The following VWC2 variants were observed in gnomAD, a reference collection of about 807,000 sequenced individuals.
The protein encoded by VWC2 is von Willebrand factor C domain containing 2, also known as brorin.
Under a neutral mutation model 29.8 loss-of-function variants are expected in VWC2, and 14 were observed. That is an observed-to-expected ratio of 0.47 (90% CI 0.31 to 0.74). The LOEUF is 0.74. VWC2 is among the 30% of genes least tolerant of loss of function. VWC2 has a pLI of 0.05. For synonymous variants in VWC2, 213 were observed against 199.0 expected, an observed-to-expected ratio of 1.07 and a Z score of -0.59; for missense variants, 457 against 459.8, an observed-to-expected ratio of 0.99 and a Z score of 0.05.
chr7:49,915,616 C>T lies in VWC2; in HGVS notation c.*3431C>T, dbSNP rs896522158. ...TTATCTGAAACTTACAAAATATACA[C>T]TGTTTCAAACAAGCATTGTTGGAAA... On this transcript the variant is annotated 3_prime_UTR_variant, in exon 4 of 4. Transcript: ENST00000340652. 3 of 152,126 alleles carry T rather than the reference C, an allele frequency of 2.0e-5. No homozygotes were observed. Among genetic ancestry groups the T allele is most frequent in the Non-Finnish European group, 4.4e-5 (3 of 68,008 alleles). The allele number at this position is 152,126 out of a possible 1,614,324, so 9.4% of individuals were successfully genotyped here.
chr7:49,889,471 A>T (rs868022295), intron 3 of VWC2, among the ~76,000 whole-genome samples: 92 of 152,354 alleles, frequency 6.0e-4, no homozygotes, highest in African/African-American at 2.0e-3. Context: ...GAGGCAGAAG[A>T]TGATGACAAA....
intron 3 of VWC2, among the ~76,000 whole-genome samples, chr7:49,895,281 T>A (rs1359286451): frequency 1.3e-5 from 2 of 152,176 alleles, no homozygotes; most frequent in African/African-American, 2.4e-5. Flanking sequence ...TCATGAGGGC[T>A]CTGCCCTCAT....
intron 3 of VWC2, among the ~76,000 whole-genome samples, chr7:49,911,088 A>C (rs936806547): frequency 3.3e-5 from 5 of 152,184 alleles, no homozygotes; most frequent in African/African-American, 1.2e-4. Flanking sequence ...GGTCTTAGTT[A>C]TGCTTTTTCT....
At chr7:49,819,866 C>A (rs1306645198) in intron 3 of VWC2, among the ~76,000 whole-genome samples, 1 of 152,100 alleles carries the variant, frequency 6.6e-6, no homozygotes, top group African/African-American at 2.4e-5. Flanking sequence ...TAGAGGGGGA[C>A]AAGTAGGGTA....
chr7:49,811,171 A>G (rs1311562438), intron 3 of VWC2, among the ~76,000 whole-genome samples: 5 of 152,220 alleles, frequency 3.3e-5, no homozygotes, highest in Non-Finnish European at 1.5e-5. Context: ...TGAAAAGAAG[A>G]CAACCTATTT....
chr7:49,875,543 C>A (rs1023556182), intron 3 of VWC2, among the ~76,000 whole-genome samples: 3 of 151,804 alleles, frequency 2.0e-5, no homozygotes, highest in Admixed American at 6.6e-5. Flanking sequence ...GGCTGGAGTC[C>A]TTTTGCATGA....
intron 2 of VWC2, among the ~76,000 whole-genome samples, chr7:49,779,704 G>T (rs1788132613): frequency 6.6e-6 from 1 of 152,058 alleles, no homozygotes; most frequent in Non-Finnish European, 1.5e-5. Flanking sequence ...ACAGAAATTT[G>T]TTGTCTTGGA....
At chr7:49,870,865 CAACAAAACATATTAAT>C (rs1394149696) in intron 3 of VWC2, among the ~76,000 whole-genome samples, 1 of 152,172 alleles carries the variant, frequency 6.6e-6, no homozygotes, top group Non-Finnish European at 1.5e-5. Context: ...AAGAAACCAT[CAACAAAACATATTAAT>C]AACAGGTGAA....
chr7:49,910,160 G>A (rs1793330316), intron 3 of VWC2, among the ~76,000 whole-genome samples: 1 of 152,134 alleles, frequency 6.6e-6, no homozygotes, highest in South Asian at 2.1e-4. Context: ...AGGGAGAAGG[G>A]GGCACATGCA....
At chr7:49,818,779 C>T (rs139319417) in intron 3 of VWC2, among the ~76,000 whole-genome samples, 3,464 of 148,518 alleles carry the variant, frequency 0.023, 329 homozygotes, top group Admixed American at 0.17. Context: ...TATGAATTTG[C>T]CTTTAAAATA....
At chr7:49,840,527 G>T (rs1789770688) in intron 3 of VWC2, among the ~76,000 whole-genome samples, 1 of 152,176 alleles carries the variant, frequency 6.6e-6, no homozygotes, top group Non-Finnish European at 1.5e-5. Flanking sequence ...ATGTTTAGCG[G>T]TGGGAGGGGG....
chr7:49,812,994 C>T (rs780553992), intron 3 of VWC2, among the ~76,000 whole-genome samples: 3 of 152,164 alleles, frequency 2.0e-5, no homozygotes, highest in African/African-American at 4.8e-5. Flanking sequence ...AAGTCTATAG[C>T]TGGTTATAGA....
chr7:49,883,844 T>C (rs1214370338), intron 3 of VWC2, among the ~76,000 whole-genome samples: 182 of 152,234 alleles, frequency 1.2e-3, no homozygotes, highest in Non-Finnish European at 8.8e-5. Context: ...CCCTAGTGAA[T>C]GTTTGAATTT....
chr7:49,787,204 C>T (rs1053521805), intron 2 of VWC2, among the ~76,000 whole-genome samples: 1 of 152,196 alleles, frequency 6.6e-6, no homozygotes, highest in African/African-American at 2.4e-5. Context: ...GCTCTGTGTA[C>T]CCTTAGGGCA....
intron 3 of VWC2, among the ~76,000 whole-genome samples, chr7:49,883,002 C>T (rs996016744): frequency 2.6e-5 from 4 of 151,964 alleles, no homozygotes; most frequent in African/African-American, 7.3e-5. Context: ...GCCCTGGCCC[C>T]GCCTGCTTGC....
chr7:49,837,789 G>A (rs1284327523), intron 3 of VWC2, among the ~76,000 whole-genome samples: 19 of 152,082 alleles, frequency 1.2e-4, no homozygotes, highest in Admixed American at 2.6e-4. Flanking sequence ...AAATCTAATC[G>A]ATCGCACAAT....
At chr7:49,793,336 T>A (rs1257864875) in intron 2 of VWC2, among the ~76,000 whole-genome samples, 2 of 135,414 alleles carry the variant, frequency 1.5e-5, no homozygotes, top group Non-Finnish European at 3.3e-5. Flanking sequence ...TCTAACCCTC[T>A]TTTTTTTTTT....
intron 3 of VWC2, among the ~76,000 whole-genome samples, chr7:49,908,024 CAA>C (rs371574713): frequency 1.8e-3 from 277 of 152,220 alleles, no homozygotes; most frequent in African/African-American, 6.3e-3. Flanking sequence ...ATTTTCCCCA[CAA>C]AAGACAGCCT....
At chr7:49,835,486 G>A (rs773105038) in intron 3 of VWC2, among the ~76,000 whole-genome samples, 16 of 152,192 alleles carry the variant, frequency 1.1e-4, no homozygotes, top group Non-Finnish European at 1.6e-4. Context: ...AAGAGGGCAA[G>A]ACAGATTGTA....
Sources: allele counts gnomAD v4.1 joint callset (sites outside exome capture counted in the v4.1 genomes callset), GRCh38; gene constraint gnomAD v4.1.1; transcripts MANE v1.5; gene names NCBI Gene and HGNC (gene_info 2026-07-23, HGNC 2026-07-21).